The following ITCH variants were observed in gnomAD, a reference collection of about 807,000 sequenced individuals.
ITCH encodes the protein E3 ubiquitin-protein ligase Itchy homolog.
Under a neutral mutation model 126.8 loss-of-function variants are expected in ITCH, and 28 were observed. The observed-to-expected ratio is 0.22, with a 90% CI of 0.16 to 0.30. The LOEUF (loss-of-function observed/expected upper bound fraction) is 0.30. Among genes scored for constraint, ITCH ranks in the 10% least tolerant of loss-of-function variants. The pLI is 1.00. For synonymous variants in ITCH, 342 were observed against 340.0 expected (o/e 1.01, Z -0.06); for missense variants, 631 against 1,032.4 (o/e 0.61, Z 5.33).
chr20:34,440,129 T>C (rs1469823882), intron 8 of ITCH, 26 bp from the exon 9 acceptor site: 2 of 1,526,822 alleles, frequency 1.3e-6, no homozygotes, highest in African/African-American at 2.7e-5. Context: ...AAGATTCTTT[T>C]CCTATTTTCC....
At chr20:34,396,736 A>G (rs781308573) in intron 3 of ITCH, among the ~76,000 whole-genome samples, 3 of 151,926 alleles carry the variant, frequency 2.0e-5, no homozygotes, top group Non-Finnish European at 1.5e-5. Context: ...TCATGTGCTT[A>G]TTGGTCATTT....
rs1010441438 is a variant in ITCH at position 34,508,800 on chromosome 20, A to G, written c.*1006A>G. 2.0e-5 allele frequency: 3 copies of G among 152,232 alleles called. No individual in the cohort carries two copies. Among genetic ancestry groups the G allele is most frequent in the Non-Finnish European group, 4.4e-5 (3 of 68,050 alleles). 9.4% of individuals were successfully genotyped at this position (152,232 alleles called of 1,614,324 possible). ...TGCTTTATAGTTTTATCATAATCCAACAACTTCAGTTATATTTAATTATTG... is the reference window on the plus strand; with the variant it reads ...TGCTTTATAGTTTTATCATAATCCAGCAACTTCAGTTATATTTAATTATTG... On this transcript the variant is annotated 3_prime_UTR_variant, in exon 25 of 25. Coordinates refer to ENST00000374864, the MANE Select transcript of ITCH (RefSeq NM_031483.7).
At chr20:34,400,742 C>T (rs2038853862) in intron 3 of ITCH, among the ~76,000 whole-genome samples, 2 of 146,874 alleles carry the variant, frequency 1.4e-5, no homozygotes, top group African/African-American at 5.1e-5. Context: ...GCCTACCATG[C>T]CCACCCCCTT....
At chr20:34,405,316 C>A (rs1425563114) in intron 3 of ITCH, among the ~76,000 whole-genome samples, 1 of 152,076 alleles carries the variant, frequency 6.6e-6, no homozygotes, top group Non-Finnish European at 1.5e-5. Flanking sequence ...ACCAGCCTGA[C>A]CAACATGGTG....
At chr20:34,427,706 A>G (rs1467673037) in intron 7 of ITCH, among the ~76,000 whole-genome samples, 1 of 152,208 alleles carries the variant, frequency 6.6e-6, no homozygotes, top group Non-Finnish European at 1.5e-5. Context: ...TAGTATTATT[A>G]TATTTAGTAG....
chr20:34,447,781 G>A (rs148102972), intron 11 of ITCH, among the ~76,000 whole-genome samples: 19 of 152,214 alleles, frequency 1.2e-4, no homozygotes, highest in African/African-American at 4.6e-4. Flanking sequence ...GGCAGTTCTC[G>A]ACAGCACTAA....
rs1171765663 is a variant in ITCH at position 34,364,724 on chromosome 20, C to CAAAAAAAA, written c.-99+1387_-99+1394dup. 9.4e-4 allele frequency among the ~76,000 whole-genome samples: 43 copies of CAAAAAAAA among 45,556 alleles called. 1 individual carries two copies. Among genetic ancestry groups the CAAAAAAAA allele is most frequent in the African/African-American group, 3.4e-3 (29 of 8,426 alleles). The allele number at this position is 45,556 out of a possible 152,430, so 29.9% of individuals were successfully genotyped here. A position where few individuals can be genotyped will look rare whatever the true frequency, so the allele number is the denominator to read the frequency against. On this transcript the variant is annotated intron_variant, in intron 1 of 24. Coordinates refer to ENST00000374864, the MANE Select transcript of ITCH (RefSeq NM_031483.7). ...TGAAACCCCGTCTCTACTAAAAATA[C>CAAAAAAAA]AAAAAAAAAAAAAAAAAAATCCTGG...
intron 4 of ITCH, among the ~76,000 whole-genome samples, chr20:34,409,251 G>A (rs1294776029): frequency 6.6e-6 from 1 of 150,502 alleles, no homozygotes; most frequent in Non-Finnish European, 1.5e-5. Flanking sequence ...GGAGTATAGT[G>A]GCACTATCAT....
chr20:34,369,333 A>AAAAC (rs11471915), intron 1 of ITCH, 61 bp from the exon 2 acceptor site: 373,156 of 377,082 alleles, frequency 0.99, 184,673 homozygotes, highest in Admixed American at 1. Context: ...CTCCATCTCA[A>AAAAC]AAACAAACAA....
intron 22 of ITCH, among the ~76,000 whole-genome samples, chr20:34,490,773 G>T (rs1989454322): frequency 6.6e-6 from 1 of 152,146 alleles, no homozygotes; most frequent in South Asian, 2.1e-4. Flanking sequence ...GAAATAGTTT[G>T]GTGGTTCCTC....
intron 14 of ITCH, among the ~76,000 whole-genome samples, chr20:34,469,095 T>G (rs920106809): frequency 3.9e-5 from 6 of 152,204 alleles, no homozygotes; most frequent in African/African-American, 7.2e-5. Flanking sequence ...AAAATTCTTC[T>G]GTCTTTTCTA....
At chr20:34,406,024 A>AT (rs377083837) in intron 3 of ITCH, among the ~76,000 whole-genome samples, 4,575 of 145,212 alleles carry the variant, frequency 0.032, 174 homozygotes, top group African/African-American at 0.1. Context: ...ATCTGAAACA[A>AT]TTTTTTTTTT....
intron 2 of ITCH, chr20:34,384,172 C>G (rs1233047150): frequency 1.7e-5 from 2 of 120,732 alleles, no homozygotes; most frequent in African/African-American, 3.1e-5. Context: ...TTTTTTAAGT[C>G]AAGTGAAGCA....
At chr20:34,417,001 C>T (rs928474902) in intron 6 of ITCH, 20 of 476,978 alleles carry the variant, frequency 4.2e-5, no homozygotes, top group Non-Finnish European at 7.5e-5. Flanking sequence ...CCTCTGCCTC[C>T]TGGGTTCAAG....
rs149265102 is a variant in ITCH, at chr20:34,380,846, G to C, written c.-22+11376G>C. 7.7e-3 allele frequency among the ~76,000 whole-genome samples: 1,173 copies of C among 152,022 alleles called. 16 individuals carry two copies. Among genetic ancestry groups the C allele is most frequent in the African/African-American group, 0.027 (1,108 of 41,508 alleles). Reference sequence around the variant, plus strand: ...TCTGTCACCCAGGCTGGAGTGCAGTGGCACAATCGTGGCTCACTGTAATCT... The same window carrying C: ...TCTGTCACCCAGGCTGGAGTGCAGTCGCACAATCGTGGCTCACTGTAATCT... On this transcript the variant is annotated intron_variant, in intron 2 of 24. Coordinates refer to ENST00000374864, the MANE Select transcript of ITCH (RefSeq NM_031483.7).
chr20:34,476,055 C>A, intron 16 of ITCH: 1 of 1,260,312 alleles, frequency 7.9e-7, no homozygotes, highest in Non-Finnish European at 1.2e-6. Flanking sequence ...GTCCATATGC[C>A]AGATCGAGCA....
At chr20:34,496,230 GATGATTAGTT>G (rs535418018) in intron 23 of ITCH, among the ~76,000 whole-genome samples, 314 of 152,278 alleles carry the variant, frequency 2.1e-3, no homozygotes, top group Non-Finnish European at 2.9e-3. Context: ...GCATCTCCCT[GATGATTAGTT>G]ATGTTTAACA....
At chr20:34,418,400 T>C (rs939277719) in intron 6 of ITCH, among the ~76,000 whole-genome samples, 8 of 152,352 alleles carry the variant, frequency 5.3e-5, no homozygotes, top group African/African-American at 1.7e-4. Context: ...TCTTATTCTA[T>C]GCATTCCATT....
chr20:34,409,239 CTGGAGTATAG>C (rs1489904014), intron 4 of ITCH, among the ~76,000 whole-genome samples: 1 of 147,280 alleles, frequency 6.8e-6, no homozygotes, highest in African/African-American at 2.5e-5. Context: ...GTCACCCAAG[CTGGAGTATAG>C]TGGCACTATC....
Sources: allele counts gnomAD v4.1 joint callset (sites outside exome capture counted in the v4.1 genomes callset), GRCh38; gene constraint gnomAD v4.1.1; transcripts MANE v1.5; gene names NCBI Gene and HGNC (gene_info 2026-07-23, HGNC 2026-07-21).